BRIP1: variants seen among roughly 807,000 people sequenced by gnomAD.
BRIP1 encodes BRCA1 interacting DNA helicase 1.
A neutral mutation model predicts 119.7 loss-of-function variants in BRIP1; 88 were observed. That is an observed-to-expected ratio of 0.74 (90% CI 0.62 to 0.88). BRIP1 has a LOEUF of 0.88. Among genes scored for constraint, BRIP1 ranks in the 40% least tolerant of loss-of-function variants. BRIP1 has a pLI of 0.00. For missense variants in BRIP1, 1,259 were observed against 1,455.4 expected, an observed-to-expected ratio of 0.87 and a Z score of 2.20; for synonymous variants, 443 against 496.5, an observed-to-expected ratio of 0.89 and a Z score of 1.43.
At position 61,758,027 on chromosome 17, in the gene BRIP1, A is replaced by G; in HGVS notation, c.2098-13436T>C. ...AAAAGAGAAAAAAGAAAAGAAAACA[A>G]TAAGAACTCAATACTATGTTATGTA... On this transcript the variant is annotated intron_variant, in intron 14 of 19. Coordinates refer to ENST00000259008, the MANE Select transcript of BRIP1 (RefSeq NM_032043.3). The surrounding 1 kb of genome is among the most constrained non-coding windows in gnomAD (Gnocchi z 5.3). 6.6e-6 allele frequency among the ~76,000 whole-genome samples: 1 copy of G among 152,206 alleles called. No individual in the cohort carries two copies. The highest frequency in any genetic ancestry group is 2.4e-5 in the African/African-American group (1 of 41,554).
At chr17:61,787,762 A>G (rs1282188857) in intron 10 of BRIP1, among the ~76,000 whole-genome samples, 1 of 151,964 alleles carries the variant, frequency 6.6e-6, no homozygotes, top group Non-Finnish European at 1.5e-5. Flanking sequence ...CTCCTGCCTC[A>G]GCCTCCTGAG....
In BRIP1 at chr17:61,855,503, C is replaced by G. The variant is rs540362207; in HGVS notation, c.379+1555G>C. 3.3e-5 allele frequency among the ~76,000 whole-genome samples: 5 copies of G among 150,046 alleles called. No homozygotes were observed. In the South Asian group the frequency reaches 1.1e-3, roughly 32 times the overall value. ...CTGAGGCAGGATAATTGCTCGAACC[C>G]AGGAGGTGAAGGTTGCAGTGGGCCA... On this transcript the variant is annotated intron_variant, in intron 4 of 19. Transcript: ENST00000259008.
intron 11 of BRIP1, 34 bp downstream of exon 11, chr17:61,784,236 A>C (rs776908858): frequency 6.3e-7 from 1 of 1,591,742 alleles, no homozygotes; most frequent in South Asian, 1.1e-5. Context: ...GGCTATTTTT[A>C]AAAGGAAAAT....
At position 61,800,614 on chromosome 17, in the gene BRIP1, G is replaced by A. The variant is rs555611990; in HGVS notation, c.1140+639C>T. On this transcript the variant is annotated intron_variant, in intron 8 of 19. Transcript: ENST00000259008. ...AAGGATGTAATAAAAGCAATATTTG[G>A]AAAACTGACCTGGCATTGATATGCA... is the stretch of plus-strand genomic sequence containing the variant. 4.6e-5 allele frequency among the ~76,000 whole-genome samples: 7 copies of A among 152,254 alleles called. No homozygotes were observed. In the South Asian group the frequency reaches 1.0e-3, roughly 23 times the overall value.
rs886041146 is a variant in BRIP1 at position 61,784,431 on chromosome 17, G to A, written c.1474-7C>T. ...GAACAGCAGAAAAATGTCCCTATAA[G>A]AAATTACCATATTAAGTATAGAGGG... On this transcript the variant is annotated splice_region_variant and splice_polypyrimidine_tract_variant and intron_variant, in intron 10 of 19. Coordinates refer to ENST00000259008, the MANE Select transcript of BRIP1 (RefSeq NM_032043.3). The A allele has an allele frequency of 3.1e-6, 5 of 1,609,998 alleles. No homozygotes were observed. The highest frequency in any genetic ancestry group is 4.2e-6 in the Non-Finnish European group (5 of 1,176,888).
Position 61,724,737 on chromosome 17 carries a change from A to C in BRIP1, c.2380-8674T>G, listed in dbSNP as rs2076743217. ...TTGAAGACAAAAGTTCAAGCCTCCAAATGAGACTAAGGACAAATAATCAGC... is the reference window on the plus strand; with the variant it reads ...TTGAAGACAAAAGTTCAAGCCTCCACATGAGACTAAGGACAAATAATCAGC... On this transcript the variant is annotated intron_variant, in intron 16 of 19. Coordinates refer to ENST00000259008, the MANE Select transcript of BRIP1 (RefSeq NM_032043.3). This position sits in a 1 kb window ranked among gnomAD's most constrained non-coding sequence, Gnocchi z 5.1. 6.6e-6 allele frequency among the ~76,000 whole-genome samples: 1 copy of C among 152,172 alleles called. No individual in the cohort carries two copies. The highest frequency in any genetic ancestry group is 2.4e-5 in the African/African-American group (1 of 41,450).
rs1178461349 is a variant in BRIP1, at chr17:61,852,901, CG to C, written c.380-3646del. On this transcript the variant is annotated intron_variant, in intron 4 of 19. Coordinates refer to ENST00000259008, the MANE Select transcript of BRIP1 (RefSeq NM_032043.3). This position sits in a 1 kb window ranked among gnomAD's most constrained non-coding sequence, Gnocchi z 4.9. ...GCTGCAGGGGTTGGAGGGATCTGAC[CG>C]GGGACGCATAAATTGATTCAACCAC... 2.0e-5 allele frequency among the ~76,000 whole-genome samples: 3 copies of C among 151,988 alleles called. No homozygotes were observed. Among genetic ancestry groups the C allele is most frequent in the Admixed American group, 6.5e-5 (1 of 15,270 alleles).
In BRIP1 at chr17:61,726,359, A is replaced by C. The variant is rs1355994284; in HGVS notation, c.2380-10296T>G. 6.6e-6 allele frequency among the ~76,000 whole-genome samples: 1 copy of C among 152,220 alleles called. No homozygotes were observed. The highest frequency in any genetic ancestry group is 1.5e-5 in the Non-Finnish European group (1 of 68,040). ...GGACGAGAAAGTCATTACTTACCCCATATTTCTGAAACCCAGTGTAGGTTT... is the reference window on the plus strand; with the variant it reads ...GGACGAGAAAGTCATTACTTACCCCCTATTTCTGAAACCCAGTGTAGGTTT... On this transcript the variant is annotated intron_variant, in intron 16 of 19. Coordinates refer to ENST00000259008, the MANE Select transcript of BRIP1 (RefSeq NM_032043.3). The surrounding 1 kb of genome is among the most constrained non-coding windows in gnomAD (Gnocchi z 6.2).
rs1317116225 is a variant in BRIP1 at position 61,845,204 on chromosome 17, C to T, written c.627+1897G>A. ...AACAGAAGAAGCTTCTACATAATTT[C>T]TCCAACTATTAATATAAAGCTTCAG... On this transcript the variant is annotated intron_variant, in intron 6 of 19. Coordinates refer to ENST00000259008, the MANE Select transcript of BRIP1 (RefSeq NM_032043.3). The surrounding 1 kb of genome is among the most constrained non-coding windows in gnomAD (Gnocchi z 4.2). 6.6e-6 allele frequency among the ~76,000 whole-genome samples: 1 copy of T among 152,162 alleles called. No individual in the cohort carries two copies. Among genetic ancestry groups the T allele is most frequent in the Non-Finnish European group, 1.5e-5 (1 of 68,042 alleles).
rs1156361575 is a variant in BRIP1, at chr17:61,742,927, G to A, written c.2379+86C>T. The A allele has an allele frequency of 1.8e-5, 28 of 1,526,738 alleles. No individual in the cohort carries two copies. The highest frequency in any genetic ancestry group is 9.1e-5 in the East Asian group (4 of 44,078). The allele number at this position is 1,526,738 out of a possible 1,614,324, so 94.6% of individuals were successfully genotyped here. A position where few individuals can be genotyped will look rare whatever the true frequency, so the allele number is the denominator to read the frequency against. ...TAAAAAAGCACTATAAAAGCAAAGC[G>A]CAATAAAATGAGGGATCCCTGCAAT... On this transcript the variant is annotated intron_variant, in intron 16 of 19. Transcript: ENST00000259008. This position sits in a 1 kb window ranked among gnomAD's most constrained non-coding sequence, Gnocchi z 4.7.
rs1228307888 is a variant in BRIP1 at position 61,729,006 on chromosome 17, AAGG to A, written c.2380-12946_2380-12944del. On this transcript the variant is annotated intron_variant, in intron 16 of 19. Coordinates refer to ENST00000259008, the MANE Select transcript of BRIP1 (RefSeq NM_032043.3). The surrounding 1 kb of genome is among the most constrained non-coding windows in gnomAD (Gnocchi z 5.6). ...TATCAACCCTAAAGTTCAAAACAGA[AAGG>A]AGGACGGGCGGCTGTAACCCCAGCA... is the stretch of plus-strand genomic sequence containing the variant. Among the ~76,000 whole-genome samples, 1 of 146,550 alleles carries A rather than the reference AAGG, an allele frequency of 6.8e-6. No homozygotes were observed. The highest frequency in any genetic ancestry group is 2.4e-5 in the African/African-American group (1 of 40,996).
At chr17:61,764,953 G>A (rs976378762) in intron 14 of BRIP1, among the ~76,000 whole-genome samples, 9 of 151,990 alleles carry the variant, frequency 5.9e-5, no homozygotes, top group Non-Finnish European at 1.2e-4. Context: ...CAGCATTTAA[G>A]AGACCATTAG....
At chr17:61,819,580 A>G (rs1329864756) in intron 6 of BRIP1, among the ~76,000 whole-genome samples, 2 of 152,216 alleles carry the variant, frequency 1.3e-5, no homozygotes, top group African/African-American at 2.4e-5. Flanking sequence ...TTTCAACAAC[A>G]TAAATGGAAC....
At position 61,860,328 on chromosome 17, in the gene BRIP1, G is replaced by A. The variant is rs2078956803; in HGVS notation, c.94-421C>T. On this transcript the variant is annotated intron_variant, in intron 2 of 19. Coordinates refer to ENST00000259008, the MANE Select transcript of BRIP1 (RefSeq NM_032043.3). This position sits in a 1 kb window ranked among gnomAD's most constrained non-coding sequence, Gnocchi z 4.1. ...CCAGCTCCAGCAAGTCCAGTTCTATGTGTACACCCAAAACCTTTCCCACAT... is the reference window on the plus strand; with the variant it reads ...CCAGCTCCAGCAAGTCCAGTTCTATATGTACACCCAAAACCTTTCCCACAT... Among the ~76,000 whole-genome samples the A allele has an allele frequency of 6.6e-6, 1 of 152,324 alleles. No homozygotes were observed. Among genetic ancestry groups the A allele is most frequent in the East Asian group, 1.9e-4 (1 of 5,186 alleles).
chr17:61,742,442 C>T lies in BRIP1; in HGVS notation c.2379+571G>A, dbSNP rs1427449689. Reference sequence around the variant, plus strand: ...GCAAGAGGCCTAGCTTTTGTCTTGTCTCAGCTTTCAATATGCCTTGCTCAC... The same window carrying T: ...GCAAGAGGCCTAGCTTTTGTCTTGTTTCAGCTTTCAATATGCCTTGCTCAC... On this transcript the variant is annotated intron_variant, in intron 16 of 19. Coordinates refer to ENST00000259008, the MANE Select transcript of BRIP1 (RefSeq NM_032043.3). The surrounding 1 kb of genome is among the most constrained non-coding windows in gnomAD (Gnocchi z 4.7). Among the ~76,000 whole-genome samples, 3 of 152,148 alleles carry T rather than the reference C, an allele frequency of 2.0e-5. No homozygotes were observed. The East Asian group carries it at 5.8e-4, about 29-fold the overall frequency.
rs2078504881 is a variant in BRIP1, at chr17:61,832,293, C to T, written c.627+14808G>A. Among the ~76,000 whole-genome samples the T allele has an allele frequency of 6.6e-6, 1 of 152,106 alleles. No individual in the cohort carries two copies. The highest frequency in any genetic ancestry group is 1.5e-5 in the Non-Finnish European group (1 of 68,014). On this transcript the variant is annotated intron_variant, in intron 6 of 19. Coordinates refer to ENST00000259008, the MANE Select transcript of BRIP1 (RefSeq NM_032043.3). This position sits in a 1 kb window ranked among gnomAD's most constrained non-coding sequence, Gnocchi z 5.5. ...AAAACAAATCATATAATAATTATAACTCACCGAATAAAATGGAAAATCACA... is the reference window on the plus strand; with the variant it reads ...AAAACAAATCATATAATAATTATAATTCACCGAATAAAATGGAAAATCACA...
rs1296917839 is a variant in BRIP1, at chr17:61,703,829, G to T, written c.2493-10317C>A. On this transcript the variant is annotated intron_variant, in intron 17 of 19. Transcript: ENST00000259008. This position sits in a 1 kb window ranked among gnomAD's most constrained non-coding sequence, Gnocchi z 5.0. ...TGTTGTATATAGTGTAAGGAAGGGG[G>T]TCCAGTTTCAATCTTCTGCTTACGG... 6.6e-6 allele frequency among the ~76,000 whole-genome samples: 1 copy of T among 151,992 alleles called. No homozygotes were observed. The highest frequency in any genetic ancestry group is 1.5e-5 in the Non-Finnish European group (1 of 68,000).
Position 61,856,717 on chromosome 17 carries a change from C to T in BRIP1, c.379+341G>A, listed in dbSNP as rs9914236. On this transcript the variant is annotated intron_variant, in intron 4 of 19. Transcript: ENST00000259008. The surrounding 1 kb of genome is among the most constrained non-coding windows in gnomAD (Gnocchi z 5.1). ...TGAATCAATGAGGCTAATTAGATTT[C>T]GTCTTAGGATACAAACATTGTTTTA... Among the ~76,000 whole-genome samples the T allele has an allele frequency of 0.028, 4,300 of 152,178 alleles. 193 individuals carry two copies. Among genetic ancestry groups the T allele is most frequent in the African/African-American group, 0.098 (4,059 of 41,510 alleles).
intron 6 of BRIP1, among the ~76,000 whole-genome samples, chr17:61,820,579 T>C (rs2078305475): frequency 6.6e-6 from 1 of 152,242 alleles, no homozygotes. Flanking sequence ...TGTAATCACA[T>C]GCACTTATAC....
Sources: gnomAD v4.1 joint callset for allele counts (sites outside exome capture counted in the v4.1 genomes callset) on GRCh38, gnomAD v4.1.1 for gene constraint, Gnocchi (gnomAD v3.1) non-coding constraint, MANE v1.5 for transcripts, NCBI Gene and HGNC (gene_info 2026-07-23, HGNC 2026-07-21) for gene names.